Variants in PCDHA6 observed in about 807,000 individuals in gnomAD.
PCDHA6 encodes protocadherin alpha 6.
Under a neutral mutation model 60.3 loss-of-function variants are expected in PCDHA6, and 55 were observed. The observed-to-expected ratio is 0.91, with a 90% CI of 0.73 to 1.14. The LOEUF (loss-of-function observed/expected upper bound fraction) is 1.14. Among genes scored for constraint, PCDHA6 ranks in the 50% most tolerant of loss-of-function variants. PCDHA6 has a pLI of 0.00. For synonymous variants in PCDHA6, 652 were observed against 557.9 expected (o/e 1.17, Z -2.38); for missense variants, 1,327 against 1,256.5 (o/e 1.06, Z -0.85).
intron 1 of PCDHA6, chr5:140,831,181 A>T (rs2150192269): frequency 5.3e-5 from 8 of 152,354 alleles, no homozygotes; most frequent in African/African-American, 1.9e-4. Context: ...GTGATTCAAC[A>T]GAATTTAGAC....
intron 1 of PCDHA6, chr5:140,884,779 G>C: frequency 1.4e-6 from 2 of 1,404,226 alleles, no homozygotes; most frequent in Non-Finnish European, 1.9e-6. Context: ...TTTTAATTTT[G>C]CTAGTTGTTA....
chr5:140,878,856 G>T (rs1210501065), intron 1 of PCDHA6, among the ~76,000 whole-genome samples: 1 of 152,168 alleles, frequency 6.6e-6, no homozygotes, highest in Admixed American at 6.5e-5. Flanking sequence ...GGGTTCAACT[G>T]ATCCTCCATT....
chr5:141,009,760 A>G lies in PCDHA6; in HGVS notation c.2676A>G (p.Gly892=), dbSNP rs782167920. The change falls in exon 4 of 4, where the codon GGA becomes GGG. Residue 892 remains glycine, a synonymous_variant. Coordinates refer to ENST00000529310, the MANE Select transcript of PCDHA6 (RefSeq NM_018909.4). ...GELPDKFIIP[G]SPAIISIRQE... ...TGCCCGACAAATTCATTATCCCAGGATCTCCTGCAATCATCTCCATCCGGC... is the reference window on the plus strand; with the variant it reads ...TGCCCGACAAATTCATTATCCCAGGGTCTCCTGCAATCATCTCCATCCGGC... 6.2e-7 allele frequency: 1 copy of G among 1,614,130 alleles called. No homozygotes were observed. Among genetic ancestry groups the G allele is most frequent in the Non-Finnish European group, 8.5e-7 (1 of 1,180,026 alleles).
rs1554169291 is a variant in PCDHA6 at position 140,877,075 on chromosome 5, G to A, written c.2394+46590G>A. On this transcript the variant is annotated intron_variant, in intron 1 of 3. Transcript: ENST00000529310. ...GGAGCTGGAGCTGCTGCAGTTCCAGGTGAGCGCGCGCGACGCCGGCGTGCC... is the reference window on the plus strand; with the variant it reads ...GGAGCTGGAGCTGCTGCAGTTCCAGATGAGCGCGCGCGACGCCGGCGTGCC... 6.2e-7 allele frequency: 1 copy of A among 1,612,986 alleles called. No individual in the cohort carries two copies. The highest frequency in any genetic ancestry group is 1.1e-5 in the South Asian group (1 of 91,036).
rs2150483646 is a variant in PCDHA6 at position 140,850,423 on chromosome 5, C to G, written c.2394+19938C>G. ...CGTGCCCTGGACGAAACGGACGCAC[C>G]GCGCCAGCGCCTACTGGTGCTGGTG... is the stretch of plus-strand genomic sequence containing the variant. On this transcript the variant is annotated intron_variant, in intron 1 of 3. Transcript: ENST00000529310. 10 of 1,597,882 alleles carry G rather than the reference C, an allele frequency of 6.3e-6. 2 individuals are homozygous for G. Among genetic ancestry groups the G allele is most frequent in the Non-Finnish European group, 7.7e-6 (9 of 1,167,708 alleles).
chr5:140,918,817 A>C (rs1554198772), intron 1 of PCDHA6, among the ~76,000 whole-genome samples: 1 of 62,248 alleles, frequency 1.6e-5, no homozygotes, highest in Non-Finnish European at 2.7e-5. Context: ...TGAACCAAAA[A>C]GTGGCCCCCT....
At chr5:140,850,240 T>A (rs2041453726) in intron 1 of PCDHA6, 1 of 1,593,332 alleles carries the variant, frequency 6.3e-7, no homozygotes, top group Non-Finnish European at 8.6e-7. Context: ...GAGATGGTGC[T>A]GCGGTCGGTG....
intron 1 of PCDHA6, chr5:140,855,778 TAA>T: frequency 2.5e-6 from 1 of 407,854 alleles, no homozygotes; most frequent in Non-Finnish European, 4.4e-6. Context: ...TAAAAATACG[TAA>T]AAAAAGAATT....
intron 1 of PCDHA6, chr5:140,966,954 G>T (rs782541612): frequency 6.2e-7 from 1 of 1,601,606 alleles, no homozygotes; most frequent in Non-Finnish European, 8.5e-7. Flanking sequence ...AACGTGGCTC[G>T]CGCGCTGGGG....
chr5:140,925,397 C>T (rs2082477792), intron 1 of PCDHA6, among the ~76,000 whole-genome samples: 1 of 152,048 alleles, frequency 6.6e-6, no homozygotes, highest in African/African-American at 2.4e-5. Flanking sequence ...TTTGGCTCGC[C>T]TCCTTCTTAG....
chr5:140,877,850 A>C (rs782804856), intron 1 of PCDHA6: 1 of 1,546,004 alleles, frequency 6.5e-7, no homozygotes, highest in South Asian at 1.3e-5. Context: ...GTAAGTTATT[A>C]ATATTATTTA....
intron 3 of PCDHA6, among the ~76,000 whole-genome samples, chr5:140,990,304 A>T (rs114506238): frequency 3.9e-5 from 6 of 152,286 alleles, no homozygotes; most frequent in Non-Finnish European, 8.8e-5. Context: ...CATTGTCTGT[A>T]AAAAACCAAC....
At chr5:140,971,435 T>A (rs1188604248) in intron 1 of PCDHA6, among the ~76,000 whole-genome samples, 1 of 152,190 alleles carries the variant, frequency 6.6e-6, no homozygotes, top group Non-Finnish European at 1.5e-5. Flanking sequence ...AACCCCAAGA[T>A]CTACAGCTCC....
Position 140,829,740 on chromosome 5 carries a change from C to T in PCDHA6, c.1649C>T (p.Thr550Met), listed in dbSNP as rs2150173718. Residue 550 changes from threonine (T) to methionine (M), a missense_variant, in exon 1 of 4, where the codon ACG becomes ATG. By Grantham distance (81) the Thr-to-Met change is moderately conservative. Transcript: ENST00000529310. ...GTGCCGCCTCTGGGCAGCAACGTGA[C>T]GCTGCAGGTGTTCGTGCTGGACGAG... ...AGVPPLGSNV[T>M]LQVFVLDEND... 2 of 1,613,670 alleles carry T rather than the reference C, an allele frequency of 1.2e-6. No homozygotes were observed. Among genetic ancestry groups the T allele is most frequent in the South Asian group, 1.1e-5 (1 of 91,072 alleles).
chr5:140,884,051 C>T (rs782045843), intron 1 of PCDHA6: 4 of 1,613,308 alleles, frequency 2.5e-6, no homozygotes, highest in Non-Finnish European at 2.5e-6. Context: ...GGCGAAGGTG[C>T]GCGCGGTGGA....
chr5:140,834,604 T>G (rs2150222794), intron 1 of PCDHA6: 1 of 1,614,158 alleles, frequency 6.2e-7, no homozygotes, highest in South Asian at 1.1e-5. Context: ...CGTGGGGATC[T>G]TCTGGAGGTA....
intron 1 of PCDHA6, among the ~76,000 whole-genome samples, chr5:140,893,506 A>AT (rs1270469461): frequency 6.6e-6 from 1 of 152,170 alleles, no homozygotes; most frequent in African/African-American, 2.4e-5. Context: ...AGAAAAAAAA[A>AT]GCAGTTGTAG....
At chr5:140,970,247 C>T (rs551216649) in intron 1 of PCDHA6, among the ~76,000 whole-genome samples, 1 of 152,290 alleles carries the variant, frequency 6.6e-6, no homozygotes, top group East Asian at 1.9e-4. Context: ...TTTCTGTTGA[C>T]AGTTTCTATG....
At chr5:140,843,133 C>G in intron 1 of PCDHA6, 1 of 1,595,974 alleles carries the variant, frequency 6.3e-7, no homozygotes, top group Non-Finnish European at 8.6e-7. Flanking sequence ...CGGGCTACAA[C>G]GCGTGGCTTT....
Sources: gnomAD v4.1 joint callset for allele counts (sites outside exome capture counted in the v4.1 genomes callset) on GRCh38, gnomAD v4.1.1 for gene constraint, MANE v1.5 for transcripts, NCBI Gene and HGNC (gene_info 2026-07-23, HGNC 2026-07-21) for gene names.